The following EIF2S1 variants were observed in gnomAD, a reference collection of about 807,000 sequenced individuals.
EIF2S1 encodes the protein eukaryotic translation initiation factor 2 subunit alpha, also known as eukaryotic translation initiation factor 2 subunit 1.
In EIF2S1, 5 loss-of-function variants were observed where a neutral mutation model predicts 33.5. That is an observed-to-expected ratio of 0.15 (90% confidence interval 0.08 to 0.31). EIF2S1 has a LOEUF of 0.31. EIF2S1 is among the 10% of genes least tolerant of loss of function. The probability of loss-of-function intolerance (pLI) is 1.00; values close to 1 mark genes in which losing one functional copy is unlikely to be tolerated. For missense variants in EIF2S1, 191 were observed against 384.6 expected (o/e 0.50, Z 4.21); for synonymous variants, 99 against 127.5 (o/e 0.78, Z 1.51).
chr14:67,380,613 G>A, intron 4 of EIF2S1, 46 bp from the exon 5 acceptor site: 2 of 1,093,572 alleles, frequency 1.8e-6, no homozygotes, highest in Non-Finnish European at 2.6e-6. Context: ...ACATTTATCA[G>A]TAATATAACC....
intron 2 of EIF2S1, among the ~76,000 whole-genome samples, chr14:67,370,222 A>G (rs1157434324): frequency 6.6e-6 from 1 of 152,216 alleles, no homozygotes; most frequent in Non-Finnish European, 1.5e-5. Flanking sequence ...ACAACCTTCC[A>G]GCTTGGGCGT....
At position 67,364,998 on chromosome 14, in the gene EIF2S1, C is replaced by T; in HGVS notation, c.231C>T (p.Asp77=). 4 of 1,579,294 alleles carry T rather than the reference C, an allele frequency of 2.5e-6. No homozygotes were observed. Among genetic ancestry groups the T allele is most frequent in the Non-Finnish European group, 3.4e-6 (4 of 1,162,002 alleles). ...RNECVVVIRV[D]KEKGYIDLSK... Reference sequence around the variant, plus strand: ...AGTGTGTGGTTGTCATTAGGGTGGACAAAGAAAAAGGTAAGTGAGAAAAAT... The same window carrying T: ...AGTGTGTGGTTGTCATTAGGGTGGATAAAGAAAAAGGTAAGTGAGAAAAAT... Residue 77 remains aspartate (D), a synonymous_variant, in exon 2 of 8, where the codon GAC becomes GAT. Transcript: ENST00000256383.
At chr14:67,374,935 T>A (rs2085848609) in intron 3 of EIF2S1, among the ~76,000 whole-genome samples, 1 of 152,210 alleles carries the variant, frequency 6.6e-6, no homozygotes, top group African/African-American at 2.4e-5. Flanking sequence ...AACCCTGTTC[T>A]GGGATGAGGG....
intron 4 of EIF2S1, among the ~76,000 whole-genome samples, chr14:67,378,284 C>T (rs1440819735): frequency 1.3e-5 from 2 of 149,182 alleles, no homozygotes; most frequent in African/African-American, 2.5e-5. Context: ...ATCTGGGGTT[C>T]CAAATCCCTT....
At chr14:67,362,311 C>T (rs1595642370) in intron 1 of EIF2S1, among the ~76,000 whole-genome samples, 1 of 151,906 alleles carries the variant, frequency 6.6e-6, no homozygotes, top group Admixed American at 6.6e-5. Context: ...TGAGCCACTG[C>T]GCCTGGCCTG....
rs1359425561 is a variant in EIF2S1 at position 67,384,373 on chromosome 14, T to C, written c.*933T>C. On this transcript the variant is annotated 3_prime_UTR_variant, in exon 8 of 8. Transcript: ENST00000256383. ...TGTTTGAACACTTACTGTTGTTTTTTTTTTTTTACATGTTTCCATCATTTC... is the reference window on the plus strand; with the variant it reads ...TGTTTGAACACTTACTGTTGTTTTTCTTTTTTTACATGTTTCCATCATTTC... 2.0e-5 allele frequency: 3 copies of C among 152,174 alleles called. No homozygotes were observed. The highest frequency in any genetic ancestry group is 1.9e-4 in the East Asian group (1 of 5,180). 9.4% of individuals were successfully genotyped at this position (152,174 alleles called of 1,614,324 possible).
In EIF2S1 at chr14:67,383,791, G is replaced by T; in HGVS notation, c.*351G>T. 1 of 292,894 alleles carries T rather than the reference G, an allele frequency of 3.4e-6. No individual in the cohort carries two copies. Among genetic ancestry groups the T allele is most frequent in the South Asian group, 3.3e-5 (1 of 30,690 alleles). The allele number at this position is 292,894 out of a possible 1,614,324, so 18.1% of individuals were successfully genotyped here. A position where few individuals can be genotyped will look rare whatever the true frequency, so the allele number is the denominator to read the frequency against. On this transcript the variant is annotated 3_prime_UTR_variant, in exon 8 of 8. Transcript: ENST00000256383. ...ACGAGATTTGCCAGGGGCATCCAAG[G>T]CAAACAATCCCAATCTTTCTATATA...
intron 4 of EIF2S1, among the ~76,000 whole-genome samples, chr14:67,378,433 T>A (rs1378957400): frequency 6.6e-6 from 1 of 151,894 alleles, no homozygotes; most frequent in Non-Finnish European, 1.5e-5. Context: ...GCTATTATTA[T>A]CCTTTTCTTA....
At chr14:67,379,648 C>CTTTTACTTT (rs2085875340) in intron 4 of EIF2S1, among the ~76,000 whole-genome samples, 2 of 135,324 alleles carry the variant, frequency 1.5e-5, no homozygotes, top group African/African-American at 6.1e-5. Context: ...TTCTTTTTTT[C>CTTTTACTTT]TTTTTCTTTT....
intron 5 of EIF2S1, among the ~76,000 whole-genome samples, chr14:67,381,361 CAA>C (rs200285886): frequency 0.02 from 3,049 of 152,220 alleles, 38 homozygotes; most frequent in Middle Eastern, 0.034. Context: ...ATTTCTGAGT[CAA>C]AGGGTAATGC....
rs1439186811 is a variant in EIF2S1 at position 67,382,586 on chromosome 14, T to C, written c.818T>C (p.Met273Thr). Reference sequence around the variant, plus strand: ...AAGAGGGGTGTGTTCAATGTTCAAATGGAGGTGAGATCAATAGATTCATTT... The same window carrying C: ...AAGAGGGGTGTGTTCAATGTTCAAACGGAGGTGAGATCAATAGATTCATTT... ...EEKRGVFNVQ[M>T]EPKVVTDTDE... Residue 273 changes from methionine (M) to threonine (T), a missense_variant, in exon 7 of 8, where the codon ATG becomes ACG. Coordinates refer to ENST00000256383, the MANE Select transcript of EIF2S1 (RefSeq NM_004094.5). 3 of 1,613,808 alleles carry C rather than the reference T, an allele frequency of 1.9e-6. No individual in the cohort carries two copies. In the Admixed American group the frequency reaches 5.0e-5, roughly 27 times the overall value.
At chr14:67,373,994 A>G (rs2085842269) in intron 2 of EIF2S1, among the ~76,000 whole-genome samples, 2 of 152,130 alleles carry the variant, frequency 1.3e-5, no homozygotes, top group African/African-American at 4.8e-5. Flanking sequence ...TTTCATTTGG[A>G]TAATTGAAAA....
At chr14:67,379,804 G>A (rs1015421727) in intron 4 of EIF2S1, among the ~76,000 whole-genome samples, 1 of 150,096 alleles carries the variant, frequency 6.7e-6, no homozygotes, top group African/African-American at 2.5e-5. Flanking sequence ...ACAGGCGCCC[G>A]CCACTACGCC....
chr14:67,364,617 C>G, intron 1 of EIF2S1, 150 bp from the exon 2 acceptor site: 1 of 714,002 alleles, frequency 1.4e-6, no homozygotes, highest in Non-Finnish European at 2.2e-6. Flanking sequence ...TTTTCTGGTA[C>G]CACTTAAGAA....
Position 67,385,692 on chromosome 14 carries a change from T to C in EIF2S1, c.*2252T>C, listed in dbSNP as rs1038724543. 2 of 148,952 alleles carry C rather than the reference T, an allele frequency of 1.3e-5. No homozygotes were observed. Among genetic ancestry groups the C allele is most frequent in the African/African-American group, 5.0e-5 (2 of 40,266 alleles). 9.2% of individuals were successfully genotyped at this position (148,952 alleles called of 1,614,324 possible). ...TTTTTTTTTTTGGCAAATGGTGTTA[T>C]ATTGCCTGGGCAGGTCTCGAAATCC... is the stretch of plus-strand genomic sequence containing the variant. On this transcript the variant is annotated 3_prime_UTR_variant, in exon 8 of 8. Transcript: ENST00000256383.
chr14:67,379,360 T>A (rs1176678873), intron 4 of EIF2S1, among the ~76,000 whole-genome samples: 1 of 152,266 alleles, frequency 6.6e-6, no homozygotes, highest in Non-Finnish European at 1.5e-5. Flanking sequence ...GTAGTATCTT[T>A]TGATTTGCAT....
chr14:67,372,257 A>G (rs2085827238), intron 2 of EIF2S1, among the ~76,000 whole-genome samples: 3 of 152,210 alleles, frequency 2.0e-5, no homozygotes, highest in Admixed American at 6.5e-5. Context: ...GTCCATATGC[A>G]AAAAAGAACC....
In EIF2S1 at chr14:67,385,284, G is replaced by GT. The variant is rs2085914364; in HGVS notation, c.*1845dup. On this transcript the variant is annotated 3_prime_UTR_variant, in exon 8 of 8. Coordinates refer to ENST00000256383, the MANE Select transcript of EIF2S1 (RefSeq NM_004094.5). ...CTTGAAGAACAGGCTTGGCAAAGAAGTAAGTTTATCCAAATCTTGAATTTC... is the reference window on the plus strand; with the variant it reads ...CTTGAAGAACAGGCTTGGCAAAGAAGTTAAGTTTATCCAAATCTTGAATTTC... 1.3e-5 allele frequency: 2 copies of GT among 152,142 alleles called. No homozygotes were observed. Among genetic ancestry groups the GT allele is most frequent in the Non-Finnish European group, 2.9e-5 (2 of 68,026 alleles). The allele number at this position is 152,142 out of a possible 1,614,324, so 9.4% of individuals were successfully genotyped here.
At chr14:67,379,308 A>G (rs2085873594) in intron 4 of EIF2S1, among the ~76,000 whole-genome samples, 1 of 152,204 alleles carries the variant, frequency 6.6e-6, no homozygotes, top group Non-Finnish European at 1.5e-5. Flanking sequence ...AATTTGGTAT[A>G]TATCTGATTT....
Sources: gnomAD v4.1 joint callset for allele counts (sites outside exome capture counted in the v4.1 genomes callset) on GRCh38, gnomAD v4.1.1 for gene constraint, MANE v1.5 for transcripts, NCBI Gene and HGNC (gene_info 2026-07-23, HGNC 2026-07-21) for gene names.